Variants in FANCD2 observed in about 807,000 individuals in gnomAD.
FANCD2 encodes FA complementation group D2.
A neutral mutation model predicts 192.3 loss-of-function variants in FANCD2; 131 were observed. The observed-to-expected ratio is 0.68, with a 90% CI of 0.59 to 0.79. FANCD2 has a LOEUF of 0.79. Among genes scored for constraint, FANCD2 ranks in the 30% least tolerant of loss-of-function variants. The probability of loss-of-function intolerance (pLI) is 0.00; values close to 1 mark genes in which losing one functional copy is unlikely to be tolerated. For synonymous variants in FANCD2, 524 were observed against 612.5 expected, an observed-to-expected ratio of 0.86 and a Z score of 2.13; for missense variants, 1,508 against 1,701.6, an observed-to-expected ratio of 0.89 and a Z score of 2.00.
chr3:10,076,029 C>A (rs1349675200), intron 29 of FANCD2, among the ~76,000 whole-genome samples: 1 of 147,100 alleles, frequency 6.8e-6, no homozygotes, highest in African/African-American at 2.6e-5. Context: ...CTGCGCCCAG[C>A]CATATCTTTT....
intron 21 of FANCD2, 53 bp downstream of exon 21, chr3:10,063,964 A>G (rs2087642485): frequency 6.2e-7 from 1 of 1,613,146 alleles, no homozygotes; most frequent in Non-Finnish European, 8.5e-7. Context: ...CTGCTTTACT[A>G]CACTCTTCAA....
intron 26 of FANCD2, among the ~76,000 whole-genome samples, chr3:10,069,541 C>G (rs560108670): frequency 6.8e-6 from 1 of 146,726 alleles, no homozygotes; most frequent in South Asian, 2.3e-4. Flanking sequence ...GCTGCCATCT[C>G]GGCTCACTGC....
rs2087532660 is a variant in FANCD2, at chr3:10,060,416, A to G, written c.1766+13A>G. The G allele has an allele frequency of 1.3e-6, 2 of 1,593,342 alleles. No individual in the cohort carries two copies. The highest frequency in any genetic ancestry group is 1.3e-5 in the African/African-American group (1 of 74,596). Reference sequence around the variant, plus strand: ...TGGCGGCAGACAGGTACACGTGGAGATTCTGACTTCTGTGGTTTAAGATCA... The same window carrying G: ...TGGCGGCAGACAGGTACACGTGGAGGTTCTGACTTCTGTGGTTTAAGATCA... On this transcript the variant is annotated intron_variant, in intron 19 of 43. Coordinates refer to ENST00000675286, the MANE Select transcript of FANCD2 (RefSeq NM_001018115.3).
At chr3:10,029,603 G>GTT (rs1396114613) in intron 2 of FANCD2, among the ~76,000 whole-genome samples, 1 of 152,076 alleles carries the variant, frequency 6.6e-6, no homozygotes, top group Non-Finnish European at 1.5e-5. Flanking sequence ...ATTTTACTAG[G>GTT]TTTTTTGGGA....
intron 20 of FANCD2, among the ~76,000 whole-genome samples, chr3:10,062,840 C>T (rs979320817): frequency 1.3e-5 from 2 of 152,094 alleles, no homozygotes; most frequent in Admixed American, 1.3e-4. Flanking sequence ...CATGCACCAC[C>T]ATGCCCAGTT....
In FANCD2 at chr3:10,031,959, C is replaced by G. The variant is rs575342861; in HGVS notation, c.65-873C>G. On this transcript the variant is annotated intron_variant, in intron 2 of 43. Transcript: ENST00000675286. ...CCTCCCGGGTTCAAGTGATTCTCCT[C>G]CTCAGCCTCCCGAGTAGTTGGTATT... Among the ~76,000 whole-genome samples the G allele has an allele frequency of 2.2e-3, 337 of 152,192 alleles. 2 individuals are homozygous for G. The highest frequency in any genetic ancestry group is 3.3e-3 in the Non-Finnish European group (224 of 68,006).
intron 42 of FANCD2, among the ~76,000 whole-genome samples, chr3:10,097,201 G>A (rs760825205): frequency 1.3e-5 from 2 of 152,176 alleles, no homozygotes; most frequent in Non-Finnish European, 2.9e-5. Flanking sequence ...GGACCGAGGC[G>A]AAATTGAAAT....
At chr3:10,067,022 G>T (rs1197732540) in intron 25 of FANCD2, among the ~76,000 whole-genome samples, 187 bp from the exon 26 acceptor site, 1 of 152,070 alleles carries the variant, frequency 6.6e-6, no homozygotes, top group Non-Finnish European at 1.5e-5. Flanking sequence ...ACCACGCCTG[G>T]CTGAATCTCC....
intron 8 of FANCD2, 83 bp downstream of exon 8, chr3:10,039,440 A>G (rs899835331): frequency 2.4e-6 from 3 of 1,238,864 alleles, no homozygotes; most frequent in African/African-American, 3.0e-5. Context: ...TTCTTTCTAA[A>G]CAGAAAATTC....
chr3:10,063,785 G>T lies in FANCD2; in HGVS notation c.1828-7G>T, dbSNP rs759045464. On this transcript the variant is annotated splice_region_variant and splice_polypyrimidine_tract_variant and intron_variant, in intron 20 of 43. Coordinates refer to ENST00000675286, the MANE Select transcript of FANCD2 (RefSeq NM_001018115.3). ...AAGGTTTAAACCATTCTTCCTCTTT[G>T]CTCCAGGTGACCTCCTTGTTGCAGT... 1.2e-6 allele frequency: 2 copies of T among 1,614,192 alleles called. No homozygotes were observed. The highest frequency in any genetic ancestry group is 1.7e-6 in the Non-Finnish European group (2 of 1,180,028).
chr3:10,072,967 A>G lies in FANCD2; in HGVS notation c.2591A>G (p.Lys864Arg). 1 of 1,576,046 alleles carries G rather than the reference A, an allele frequency of 6.3e-7. No homozygotes were observed. ...ACTGCTATTTCAGCAAAAATCAGAA[A>G]GAAAGGAAAAATAGGTAAGTATGTT... ...TVTAISAKIRKKGKIERKQKT... is the reference protein window; with the variant it reads ...TVTAISAKIRRKGKIERKQKT... The change falls in exon 27 of 44, where the codon AAG (lysine) becomes AGG (arginine). Residue 864 changes from lysine (K) to arginine (R), a missense_variant. By Grantham distance (26) the Lys-to-Arg change is conservative (BLOSUM62 2). Around this residue, in one of 5 missense-constraint regions of FANCD2, gnomAD observed 796 missense variants for 879.4 expected, o/e 0.91. Coordinates refer to ENST00000675286, the MANE Select transcript of FANCD2 (RefSeq NM_001018115.3).
chr3:10,060,601 G>A (rs529420518), intron 19 of FANCD2, among the ~76,000 whole-genome samples, 198 bp downstream of exon 19: 27 of 152,270 alleles, frequency 1.8e-4, no homozygotes, highest in Middle Eastern at 6.8e-3. Flanking sequence ...TGTGATCCTA[G>A]CCATTACAGT....
intron 17 of FANCD2, among the ~76,000 whole-genome samples, chr3:10,050,798 A>G (rs145696766): frequency 6.6e-6 from 1 of 150,804 alleles, no homozygotes; most frequent in East Asian, 2.0e-4. Context: ...TTCAAGAGTG[A>G]GGGATTGGCC....
intron 26 of FANCD2, among the ~76,000 whole-genome samples, chr3:10,071,448 C>T (rs572516539): frequency 2.0e-5 from 3 of 152,164 alleles, no homozygotes; most frequent in Admixed American, 6.6e-5. Flanking sequence ...CCTAAGTGTC[C>T]ATCAGCGGGT....
At chr3:10,074,049 G>A (rs532391463) in intron 28 of FANCD2, among the ~76,000 whole-genome samples, 6 of 152,200 alleles carry the variant, frequency 3.9e-5, no homozygotes, top group Non-Finnish European at 8.8e-5. Context: ...GGGTTCAAGC[G>A]ATTCTCCTGC....
intron 2 of FANCD2, among the ~76,000 whole-genome samples, chr3:10,031,953 T>C (rs1449626960): frequency 5.3e-5 from 8 of 152,224 alleles, no homozygotes; most frequent in Non-Finnish European, 1.0e-4. Flanking sequence ...TTCAAGTGAT[T>C]CTCCTCCTCA....
rs1359556285 is a variant in FANCD2, at chr3:10,067,262, C to A, written c.2439C>A (p.Leu813=). The stretch of plus-strand genomic sequence containing the variant: ...CACCTGAGATGAAGGGGAAGGTGCT[C>A]ACTCGGTTAAAGCACATTGTAGAAT... ...ETSPEMKGKV[L]TRLKHIVELQ... is the part of the protein sequence containing the mutation. Residue 813 remains leucine, a synonymous_variant, in exon 26 of 44, where the codon CTC becomes CTA. Transcript: ENST00000675286. 1 of 1,613,904 alleles carries A rather than the reference C, an allele frequency of 6.2e-7. No individual in the cohort carries two copies. The highest frequency in any genetic ancestry group is 8.5e-7 in the Non-Finnish European group (1 of 1,179,834).
At chr3:10,070,123 G>C (rs1464109682) in intron 26 of FANCD2, among the ~76,000 whole-genome samples, 6 of 150,822 alleles carry the variant, frequency 4.0e-5, no homozygotes, top group Non-Finnish European at 8.9e-5. Context: ...GACCCCGTCT[G>C]GGAGGTGAGG....
chr3:10,098,920 G>A, intron 43 of FANCD2, 105 bp downstream of exon 43: 1 of 1,614,146 alleles, frequency 6.2e-7, no homozygotes, highest in East Asian at 2.2e-5. Flanking sequence ...ATTGTCAAAT[G>A]CTTCTATGCC....
Sources: allele counts gnomAD v4.1 joint callset (sites outside exome capture counted in the v4.1 genomes callset), GRCh38; gene constraint gnomAD v4.1.1; regional missense constraint gnomAD v4.1.1; transcripts MANE v1.5; gene names NCBI Gene and HGNC (gene_info 2026-07-23, HGNC 2026-07-21).